Variants in TENM3 observed in about 807,000 individuals in gnomAD.
TENM3 encodes the protein teneurin transmembrane protein 3.
In TENM3, 63 loss-of-function variants were observed where a neutral mutation model predicts 255.1. That is an observed-to-expected ratio of 0.25 (90% CI 0.20 to 0.30). The LOEUF (loss-of-function observed/expected upper bound fraction) is 0.30, where lower values mean the gene tolerates loss of function less well. Among genes scored for constraint, TENM3 ranks in the 10% least tolerant of loss-of-function variants. The pLI is 1.00. For missense variants in TENM3, 2,929 were observed against 3,461.1 expected (o/e 0.85, Z 3.86); for synonymous variants, 1,306 against 1,322.3 (o/e 0.99, Z 0.27).
chr4:181,796,604 G>A, the TENM3 span, among the ~76,000 whole-genome samples: 9 of 152,160 alleles, frequency 5.9e-5, no homozygotes, highest in Admixed American at 5.9e-4. Flanking sequence ...GGGGAGGGGT[G>A]GGGCCCACAC....
At chr4:181,986,530 T>C in the TENM3 span, among the ~76,000 whole-genome samples, 2 of 152,106 alleles carry the variant, frequency 1.3e-5, no homozygotes, top group Non-Finnish European at 2.9e-5. Context: ...GGTGGGGGTT[T>C]GCCCTTGGTA....
At chr4:182,682,147 T>A in intron 11 of TENM3, 133 bp downstream of exon 11, 1 of 745,134 alleles carries the variant, frequency 1.3e-6, no homozygotes, top group Non-Finnish European at 2.1e-6. Flanking sequence ...AAATAAATAT[T>A]AAAAGTAATG....
chr4:181,907,039 C>T, the TENM3 span, among the ~76,000 whole-genome samples: 3 of 152,242 alleles, frequency 2.0e-5, no homozygotes, highest in East Asian at 1.9e-4. Flanking sequence ...CCACCACACC[C>T]AGCACATGCC....
chr4:182,624,438 C>T (rs527570815), intron 4 of TENM3, among the ~76,000 whole-genome samples: 12 of 152,262 alleles, frequency 7.9e-5, no homozygotes, highest in East Asian at 5.8e-4. Flanking sequence ...TCTGTCCCTT[C>T]GAGCATGGCA....
rs115979790 is a variant in TENM3, at chr4:182,653,022, A to T, written c.989-749A>T. ...AAATTATGTCTGGAATTTAAAACTT[A>T]TGTTTATAGTTGTATAGTCTTCTAG... On this transcript the variant is annotated intron_variant, in intron 5 of 27. Transcript: ENST00000511685. Among the ~76,000 whole-genome samples, 1,455 of 152,260 alleles carry T rather than the reference A, an allele frequency of 9.6e-3. 23 individuals carry two copies. Among genetic ancestry groups the T allele is most frequent in the African/African-American group, 0.032 (1,344 of 41,574 alleles).
the TENM3 span, among the ~76,000 whole-genome samples, chr4:182,130,094 T>C: frequency 2.0e-5 from 3 of 152,172 alleles, no homozygotes; most frequent in Admixed American, 2.0e-4. Context: ...AAGCCAACTC[T>C]TTTTAAAAAT....
chr4:182,191,093 A>G (rs79047903), intron 1 of TENM3, among the ~76,000 whole-genome samples: 7,575 of 152,264 alleles, frequency 0.05, 359 homozygotes, highest in African/African-American at 0.12. Flanking sequence ...AAATTATTTT[A>G]TAAAAATTTT....
the TENM3 span, among the ~76,000 whole-genome samples, chr4:181,780,925 T>A: frequency 6.6e-6 from 1 of 152,178 alleles, no homozygotes; most frequent in Admixed American, 6.5e-5. Context: ...AAAGATCAGA[T>A]GGTCATAGGT....
At chr4:182,498,854 T>A (rs200299765) in intron 3 of TENM3, among the ~76,000 whole-genome samples, 1 of 147,252 alleles carries the variant, frequency 6.8e-6, no homozygotes, top group Non-Finnish European at 1.5e-5. Flanking sequence ...AAACTCCATC[T>A]AAAAAAAAAA....
Position 182,253,876 on chromosome 4 carries a change from A to G in TENM3, c.-76+10400A>G, listed in dbSNP as rs142367923. Among the ~76,000 whole-genome samples the G allele has an allele frequency of 1.0e-3, 155 of 152,264 alleles. 4 individuals carry two copies. In the East Asian group the frequency reaches 0.025, roughly 25 times the overall value. Reference sequence around the variant, plus strand: ...CCAGTAAATGCCTTAAAAAAAATACAGTTTACAGCAAAAAGTAAACTCTGA... The same window carrying G: ...CCAGTAAATGCCTTAAAAAAAATACGGTTTACAGCAAAAAGTAAACTCTGA... On this transcript the variant is annotated intron_variant, in intron 1 of 27. Transcript: ENST00000511685.
chr4:182,298,565 G>A (rs1561294771), intron 1 of TENM3, among the ~76,000 whole-genome samples: 1 of 152,096 alleles, frequency 6.6e-6, no homozygotes, highest in East Asian at 1.9e-4. Context: ...GTGCAGTCTT[G>A]GAATTAAATA....
At chr4:182,257,314 G>A (rs1448337893) in intron 1 of TENM3, among the ~76,000 whole-genome samples, 1 of 152,174 alleles carries the variant, frequency 6.6e-6, no homozygotes, top group Non-Finnish European at 1.5e-5. Context: ...GTGTGTGTTT[G>A]TGTGTGTTAT....
At chr4:181,617,808 TACA>T in the TENM3 span, among the ~76,000 whole-genome samples, 1 of 152,212 alleles carries the variant, frequency 6.6e-6, no homozygotes, top group East Asian at 1.9e-4. Context: ...CTGGATACCC[TACA>T]ACTTCGCATT....
At chr4:182,158,973 G>T (rs1338303278) in intron 1 of TENM3, among the ~76,000 whole-genome samples, 1 of 152,198 alleles carries the variant, frequency 6.6e-6, no homozygotes, top group Non-Finnish European at 1.5e-5. Context: ...ATTACTTTGT[G>T]GTGACCAAGT....
At chr4:182,509,701 G>T (rs950770234) in intron 3 of TENM3, among the ~76,000 whole-genome samples, 2 of 152,126 alleles carry the variant, frequency 1.3e-5, no homozygotes, top group Non-Finnish European at 2.9e-5. Flanking sequence ...ACTTTGGGAG[G>T]CCAAGACAGG....
chr4:181,809,726 A>G, the TENM3 span, among the ~76,000 whole-genome samples: 3 of 152,174 alleles, frequency 2.0e-5, no homozygotes, highest in African/African-American at 7.2e-5. Context: ...TGAGAAGGGA[A>G]GAGTCTCCTG....
the TENM3 span, among the ~76,000 whole-genome samples, chr4:181,583,385 G>A: frequency 5.9e-3 from 855 of 143,892 alleles, 11 homozygotes; most frequent in African/African-American, 0.021. Context: ...ATCTCTGCTA[G>A]GCAGTAAAAT....
chr4:181,524,965 G>A, the TENM3 span, among the ~76,000 whole-genome samples: 1 of 152,174 alleles, frequency 6.6e-6, no homozygotes, highest in Non-Finnish European at 1.5e-5. Context: ...AGCTAAAAAT[G>A]TATTTCCCTA....
At chr4:181,828,552 A>T in the TENM3 span, among the ~76,000 whole-genome samples, 3 of 152,190 alleles carry the variant, frequency 2.0e-5, no homozygotes, top group Non-Finnish European at 2.9e-5. Flanking sequence ...ATGACAAAAC[A>T]ACACTTGAAC....
Sources: allele counts gnomAD v4.1 joint callset (sites outside exome capture counted in the v4.1 genomes callset), GRCh38; gene constraint gnomAD v4.1.1; transcripts MANE v1.5; gene names NCBI Gene and HGNC (gene_info 2026-07-23, HGNC 2026-07-21).